RNF213: variants seen among roughly 807,000 people sequenced by gnomAD.
RNF213 encodes E3 ubiquitin-protein ligase RNF213.
A neutral mutation model predicts 514.4 loss-of-function variants in RNF213; 341 were observed. The ratio of observed to expected loss-of-function variants is 0.66; its 90% CI spans 0.61 to 0.73. The LOEUF is 0.73. Ranked by LOEUF, RNF213 falls within the 30% of genes least tolerant of loss-of-function variation. The pLI is 0.00. For synonymous variants in RNF213, 2,655 were observed against 2,658.2 expected (o/e 1.00, Z 0.04); for missense variants, 5,767 against 6,615.6 (o/e 0.87, Z 4.45).
At chr17:80,311,631 A>G (rs1458432788) in intron 14 of RNF213, among the ~76,000 whole-genome samples, 2 of 152,248 alleles carry the variant, frequency 1.3e-5, no homozygotes, top group Non-Finnish European at 2.9e-5. Flanking sequence ...CTTCCCAGGT[A>G]TAGTGACGCT....
At chr17:80,378,271 A>C (rs113976037) in intron 54 of RNF213, among the ~76,000 whole-genome samples, 70 of 152,306 alleles carry the variant, frequency 4.6e-4, no homozygotes, top group African/African-American at 1.6e-3. Context: ...ATTAGCCCTC[A>C]GAGGAGGTGT....
chr17:80,334,096 T>A lies in RNF213; in HGVS notation c.4144-9T>A. Reference sequence around the variant, plus strand: ...GAGTTCCAGTCCACAGTAGAGCTTTTTCTTGCAGACTGATAACTTCGACGA... The same window carrying A: ...GAGTTCCAGTCCACAGTAGAGCTTTATCTTGCAGACTGATAACTTCGACGA... On this transcript the variant is annotated splice_polypyrimidine_tract_variant and intron_variant, in intron 21 of 67. Transcript: ENST00000582970. 2.0e-6 allele frequency: 3 copies of A among 1,537,170 alleles called. No homozygotes were observed. Among genetic ancestry groups the A allele is most frequent in the Non-Finnish European group, 2.6e-6 (3 of 1,146,868 alleles).
At position 80,340,228 on chromosome 17, in the gene RNF213, C is replaced by G. The variant is rs912439596; in HGVS notation, c.5861C>G (p.Ala1954Gly). 6.2e-7 allele frequency: 1 copy of G among 1,614,206 alleles called. No individual in the cohort carries two copies. The highest frequency in any genetic ancestry group is 1.1e-5 in the South Asian group (1 of 91,084). Residue 1954 changes from alanine to glycine, a missense_variant, in exon 26 of 68, where the codon GCA becomes GGA. By Grantham distance (60) the Ala-to-Gly change is moderately conservative (BLOSUM62 0). This residue lies in a region of RNF213 where 1,377 missense variants were observed against 1,635.2 expected (regional missense o/e 0.84). Transcript: ENST00000582970. ...CACAAGGTCTTCGTCACCCCCCAGG[C>G]ACCCCTCGAGGCCATCCAAGCCTAC... is the stretch of plus-strand genomic sequence containing the variant. ...SQHKVFVTPQAPLEAIQAYLA... is the reference protein window; with the variant it reads ...SQHKVFVTPQGPLEAIQAYLA...
At chr17:80,391,745 G>A (rs2080479711) in intron 67 of RNF213, among the ~76,000 whole-genome samples, 1 of 145,814 alleles carries the variant, frequency 6.9e-6, no homozygotes, top group Non-Finnish European at 1.5e-5. Context: ...CCTTATCCCA[G>A]GATTATAAAC....
Position 80,348,082 on chromosome 17 carries a change from G to T in RNF213, c.9747G>T (p.Lys3249Asn), listed in dbSNP as rs1200203152. The T allele has an allele frequency of 1.2e-6, 2 of 1,614,160 alleles. No homozygotes were observed. The highest frequency in any genetic ancestry group is 8.5e-7 in the Non-Finnish European group (1 of 1,180,058). Reference protein sequence around the residue: ...PRALTEELHQKVSEEAKSILL... With the variant: ...PRALTEELHQNVSEEAKSILL... ...CCTTGACGGAGGAACTTCACCAGAA[G>T]GTGTCTGAGGAGGCCAAATCGATCC... Residue 3249 changes from lysine (K) to asparagine (N), a missense_variant, in exon 29 of 68, where the codon AAG becomes AAT. Lys to Asn is a moderately conservative substitution (Grantham distance 94). Coordinates refer to ENST00000582970, the MANE Select transcript of RNF213 (RefSeq NM_001256071.3).
At position 80,298,059 on chromosome 17, in the gene RNF213, C is replaced by A. The variant is rs1001593971; in HGVS notation, c.2013-262C>A. Among the ~76,000 whole-genome samples, 3 of 152,198 alleles carry A rather than the reference C, an allele frequency of 2.0e-5. No individual in the cohort carries two copies. The East Asian group carries it at 5.8e-4, about 29-fold the overall frequency. On this transcript the variant is annotated intron_variant, in intron 10 of 67. Coordinates refer to ENST00000582970, the MANE Select transcript of RNF213 (RefSeq NM_001256071.3). ...TCAGGACCCTGCGTTGACTACTTAG[C>A]CAGGACCCCTGCTTCTGAGATCCCT...
In RNF213 at chr17:80,376,865, G is replaced by GTCT; in HGVS notation, c.13429-12_13429-10dup. On this transcript the variant is annotated splice_polypyrimidine_tract_variant and intron_variant, in intron 52 of 67. Transcript: ENST00000582970. The stretch of plus-strand genomic sequence containing the variant: ...AGCTCACTTATCTAGAGCTGTCTCT[G>GTCT]TCTTCTTGTTTTTCAGCATGCTTTT... 6.2e-7 allele frequency: 1 copy of GTCT among 1,611,586 alleles called. No individual in the cohort carries two copies. The highest frequency in any genetic ancestry group is 8.5e-7 in the Non-Finnish European group (1 of 1,178,242).
At chr17:80,289,524 A>T in intron 5 of RNF213, 135 bp from the exon 6 acceptor site, 1 of 897,332 alleles carries the variant, frequency 1.1e-6, no homozygotes, top group Non-Finnish European at 1.7e-6. Context: ...TGGGAGGCGG[A>T]GGTTGCAGTG....
At chr17:80,379,843 T>C in intron 55 of RNF213, 129 bp downstream of exon 55, 1 of 771,914 alleles carries the variant, frequency 1.3e-6, no homozygotes, top group Non-Finnish European at 2.3e-6. Flanking sequence ...TGTGTCATAT[T>C]GAATAGCAAT....
chr17:80,356,451 G>A (rs956462299), intron 36 of RNF213, among the ~76,000 whole-genome samples: 3 of 152,228 alleles, frequency 2.0e-5, no homozygotes, highest in Non-Finnish European at 4.4e-5. Flanking sequence ...CTGCGCAGCC[G>A]CTGAGTGGTG....
Position 80,346,005 on chromosome 17 carries a change from G to A in RNF213, c.7670G>A (p.Gly2557Asp). ...VSMEETADRL[G>D]SIPLRQLVYR... Reference sequence around the variant, plus strand: ...ATGGAGGAGACGGCCGACAGGCTGGGCTCCATTCCTCTGAGGCAGCTGGTA... The same window carrying A: ...ATGGAGGAGACGGCCGACAGGCTGGACTCCATTCCTCTGAGGCAGCTGGTA... Residue 2557 changes from glycine (G) to aspartate (D), a missense_variant, in exon 29 of 68, where the codon GGC becomes GAC. By Grantham distance (94) the Gly-to-Asp change is moderately conservative. Coordinates refer to ENST00000582970, the MANE Select transcript of RNF213 (RefSeq NM_001256071.3). The surrounding 1 kb of genome is among the most constrained non-coding windows in gnomAD (Gnocchi z 8.1). 6.2e-7 allele frequency: 1 copy of A among 1,614,172 alleles called. No individual in the cohort carries two copies.
intron 57 of RNF213, chr17:80,381,965 A>G: frequency 1.9e-6 from 1 of 536,838 alleles, no homozygotes; most frequent in African/African-American, 1.9e-5. Context: ...TGTTCCCTCC[A>G]TTCACCCCTG....
intron 18 of RNF213, among the ~76,000 whole-genome samples, chr17:80,326,893 C>T (rs1423421632): frequency 6.6e-6 from 1 of 152,232 alleles, no homozygotes; most frequent in African/African-American, 2.4e-5. Context: ...GCTTCATCTT[C>T]TCCTAATATT....
At position 80,288,635 on chromosome 17, in the gene RNF213, A is replaced by T. The variant is rs772380251; in HGVS notation, c.813A>T (p.Ala271=). 1.1e-5 allele frequency: 18 copies of T among 1,613,992 alleles called. No homozygotes were observed. The highest frequency in any genetic ancestry group is 1.5e-5 in the Non-Finnish European group (18 of 1,179,998). ...CTCTGGTGTTTGGGGTCTTTCAGGC[A>T]GTTGATGCTGTAGCTGAGCCAGCCA... is the stretch of plus-strand genomic sequence containing the variant. ...EQQAGASASM[A]VDAVAEPANA... The change falls in exon 5 of 68, where the codon GCA becomes GCT. Residue 271 remains alanine, a splice_region_variant and synonymous_variant. Transcript: ENST00000582970. The surrounding 1 kb of genome is among the most constrained non-coding windows in gnomAD (Gnocchi z 4.9).
At chr17:80,350,166 C>T in intron 30 of RNF213, 135 bp from the exon 31 acceptor site, 2 of 764,044 alleles carry the variant, frequency 2.6e-6, no homozygotes, top group South Asian at 3.0e-5. Flanking sequence ...CCTGGACTAT[C>T]TGTTCTTACT....
intron 36 of RNF213, chr17:80,354,852 C>T (rs946553722): frequency 3.8e-5 from 18 of 478,122 alleles, no homozygotes; most frequent in Non-Finnish European, 6.5e-5. Context: ...TAGAGTAGAA[C>T]ATTTACCGAC....
rs781609315 is a variant in RNF213 at position 80,363,086 on chromosome 17, C to T, written c.11356-16C>T. ...GTAATTTAAAAATATATTCTAAAAG[C>T]TTTTTTGAATCCCAGTTTCTGCAGA... On this transcript the variant is annotated splice_polypyrimidine_tract_variant and intron_variant, in intron 39 of 67. Coordinates refer to ENST00000582970, the MANE Select transcript of RNF213 (RefSeq NM_001256071.3). The T allele has an allele frequency of 4.4e-6, 7 of 1,606,800 alleles. No homozygotes were observed. Among genetic ancestry groups the T allele is most frequent in the Non-Finnish European group, 5.1e-6 (6 of 1,173,608 alleles).
Position 80,315,400 on chromosome 17 carries a change from TGGTGGTACTGGA to T in RNF213, c.2812-1783_2812-1772del, listed in dbSNP as rs1389043334. Among the ~76,000 whole-genome samples the T allele has an allele frequency of 1.7e-3, 3 of 1,730 alleles. 1 individual carries two copies. Among genetic ancestry groups the T allele is most frequent in the Non-Finnish European group, 3.1e-3 (3 of 976 alleles). The allele number at this position is 1,730 out of a possible 152,430, so 1.1% of individuals were successfully genotyped here. A position where few individuals can be genotyped will look rare whatever the true frequency, so the allele number is the denominator to read the frequency against. On this transcript the variant is annotated intron_variant, in intron 15 of 67. Transcript: ENST00000582970. ...GTAATGGAGGTGATGGTGGTGGTGG[TGGTGGTACTGGA>T]GGTGATGGTGGAGGTAATGGAGGTG...
rs1456220577 is a variant in RNF213, at chr17:80,313,130, C to T, written c.2774C>T (p.Ser925Phe). The stretch of plus-strand genomic sequence containing the variant: ...GTTTTTACAAAGAACATGCTCACAT[C>T]TTCAGGTGCCTCATTCACATACGTC... ...REVFTKNMLT[S>F]SGASFTYVKE... Residue 925 changes from serine to phenylalanine, a missense_variant, in exon 15 of 68, where the codon TCT (serine) becomes TTT (phenylalanine). This residue lies in a region of RNF213 where 592 missense variants were observed against 673.9 expected (regional missense o/e 0.88). Transcript: ENST00000582970. 1.2e-6 allele frequency: 2 copies of T among 1,614,172 alleles called. No individual in the cohort carries two copies. Among genetic ancestry groups the T allele is most frequent in the Admixed American group, 3.3e-5 (2 of 60,030 alleles).
Sources: allele counts gnomAD v4.1 joint callset (sites outside exome capture counted in the v4.1 genomes callset), GRCh38; gene constraint gnomAD v4.1.1; regional missense constraint gnomAD v4.1.1; non-coding constraint Gnocchi (gnomAD v3.1); transcripts MANE v1.5; gene names NCBI Gene and HGNC (gene_info 2026-07-23, HGNC 2026-07-21).